The following ATP13A4 variants were observed in gnomAD, a reference collection of about 807,000 sequenced individuals.
ATP13A4 encodes the protein ATPase 13A4.
ATP13A4 carries 114 observed loss-of-function variants against 142.5 expected under a neutral mutation model. The observed-to-expected ratio is 0.80, with a 90% CI of 0.69 to 0.93. The LOEUF (loss-of-function observed/expected upper bound fraction) is 0.93, where lower values mean the gene tolerates loss of function less well. Among genes scored for constraint, ATP13A4 ranks in the 40% least tolerant of loss-of-function variants. ATP13A4 has a pLI of 0.00. For synonymous variants in ATP13A4, 488 were observed against 514.8 expected, an observed-to-expected ratio of 0.95 and a Z score of 0.70; for missense variants, 1,392 against 1,454.0, an observed-to-expected ratio of 0.96 and a Z score of 0.69.
intron 1 of ATP13A4, among the ~76,000 whole-genome samples, chr3:193,589,169 A>AAT (rs901453933): frequency 3.3e-4 from 50 of 151,788 alleles, no homozygotes; most frequent in Admixed American, 1.2e-3. Context: ...ACAAAAACCA[A>AAT]ATATATATAT....
chr3:193,442,484 A>G lies in ATP13A4; in HGVS notation c.2225T>C (p.Leu742Pro), dbSNP rs1463920765. 6.2e-7 allele frequency: 1 copy of G among 1,614,050 alleles called. No individual in the cohort carries two copies. Among genetic ancestry groups the G allele is most frequent in the Admixed American group, 1.7e-5 (1 of 60,024 alleles). Residue 742 changes from leucine to proline, a missense_variant, in exon 19 of 30, where the codon CTC becomes CCC. Coordinates refer to ENST00000342695, the MANE Select transcript of ATP13A4 (RefSeq NM_032279.4). ...GMVSESQKVI[L>P]IEANETTGSS... Reference sequence around the variant, plus strand: ...CCCGGTGGTTTCATTTGCCTCAATGAGAATGACTTTCTGGCTTTCAGAAAC... The same window carrying G: ...CCCGGTGGTTTCATTTGCCTCAATGGGAATGACTTTCTGGCTTTCAGAAAC...
chr3:193,534,283 A>G (rs1274768403), intron 1 of ATP13A4, among the ~76,000 whole-genome samples: 2 of 152,180 alleles, frequency 1.3e-5, no homozygotes, highest in Non-Finnish European at 2.9e-5. Flanking sequence ...TTTAAATAAG[A>G]TTCAGTTTCA....
chr3:193,455,209 C>T (rs1403639785), intron 16 of ATP13A4, among the ~76,000 whole-genome samples: 4 of 151,848 alleles, frequency 2.6e-5, no homozygotes, highest in Admixed American at 1.3e-4. Context: ...GGCGAGGTGG[C>T]GGGAGCCCGT....
chr3:193,405,396 G>C (rs370929586), intron 29 of ATP13A4, among the ~76,000 whole-genome samples: 2 of 152,168 alleles, frequency 1.3e-5, no homozygotes, highest in African/African-American at 4.8e-5. Flanking sequence ...TGAGACACAA[G>C]TGTAATCGAT....
At chr3:193,427,429 T>C (rs2108613255) in intron 25 of ATP13A4, among the ~76,000 whole-genome samples, 1 of 152,292 alleles carries the variant, frequency 6.6e-6, no homozygotes, top group Non-Finnish European at 1.5e-5. Flanking sequence ...AATGACTTTC[T>C]TCATAGAATT....
At chr3:193,574,419 G>A (rs572937808) in intron 2 of ATP13A4, among the ~76,000 whole-genome samples, 14 of 152,214 alleles carry the variant, frequency 9.2e-5, no homozygotes, top group Admixed American at 2.6e-4. Context: ...TTCTCTGTCC[G>A]TCAAAAACCT....
intron 1 of ATP13A4, among the ~76,000 whole-genome samples, chr3:193,585,522 A>G (rs907425293): frequency 2.0e-5 from 3 of 151,648 alleles, no homozygotes; most frequent in Non-Finnish European, 2.9e-5. Flanking sequence ...AGCTATTGTT[A>G]GTTTATTTTA....
rs185115419 is a variant in ATP13A4 at position 193,503,944 on chromosome 3, T to C, written c.235-1305A>G. ...TCTCTTGGACTATGGGTAGGAATTG[T>C]GTATGATGCATGTCTGCACTTCAGC... On this transcript the variant is annotated intron_variant, in intron 2 of 29. Transcript: ENST00000342695. 4.2e-4 allele frequency among the ~76,000 whole-genome samples: 64 copies of C among 151,882 alleles called. 1 individual carries two copies. In the East Asian group the frequency reaches 6.6e-3, roughly 16 times the overall value.
At chr3:193,433,197 C>A (rs926066473) in intron 25 of ATP13A4, among the ~76,000 whole-genome samples, 1 of 152,146 alleles carries the variant, frequency 6.6e-6, no homozygotes, top group African/African-American at 2.4e-5. Context: ...TCAGTTACAA[C>A]AAATATACCA....
In ATP13A4 at chr3:193,399,168, G is replaced by A. The variant is rs540135953; in HGVS notation, c.*3484C>T. Among the ~76,000 whole-genome samples the A allele has an allele frequency of 6.6e-6, 1 of 152,272 alleles. No individual in the cohort carries two copies. The highest frequency in any genetic ancestry group is 1.9e-4 in the East Asian group (1 of 5,180). On this transcript the variant is annotated 3_prime_UTR_variant, in exon 30 of 30. Transcript: ENST00000342695. ...TGTGGGTAAGAGCTAGATGCCTTGA[G>A]ATGAACATACAGGGCACCGTCTCAA... is the stretch of plus-strand genomic sequence containing the variant.
chr3:193,443,657 CATAG>C (rs1331102365), intron 18 of ATP13A4, among the ~76,000 whole-genome samples: 1 of 152,110 alleles, frequency 6.6e-6, no homozygotes, highest in African/African-American at 2.4e-5. Context: ...GTTGCCAATC[CATAG>C]ATAGCCTAGA....
intron 16 of ATP13A4, among the ~76,000 whole-genome samples, chr3:193,454,973 G>A (rs752676985): frequency 6.6e-6 from 1 of 151,984 alleles, no homozygotes; most frequent in Non-Finnish European, 1.5e-5. Context: ...TCCAACAAAG[G>A]TCTAATATCC....
intron 2 of ATP13A4, among the ~76,000 whole-genome samples, chr3:193,504,018 TGTGAGA>T (rs1560238795): frequency 1.4e-5 from 2 of 138,784 alleles, no homozygotes; most frequent in Non-Finnish European, 3.1e-5. Context: ...TGTGTGTGTG[TGTGAGA>T]GAGAGAGAGA....
intron 2 of ATP13A4, among the ~76,000 whole-genome samples, chr3:193,574,162 C>T (rs1362611445): frequency 2.0e-5 from 3 of 152,086 alleles, no homozygotes; most frequent in Non-Finnish European, 4.4e-5. Context: ...ATTTCAGAAA[C>T]AAGTTTTATA....
At chr3:193,592,429 A>G (rs890690525) in intron 1 of ATP13A4, among the ~76,000 whole-genome samples, 1 of 152,112 alleles carries the variant, frequency 6.6e-6, no homozygotes, top group African/African-American at 2.4e-5. Flanking sequence ...AGTTCCAGGG[A>G]AAAAGGAGAA....
At chr3:193,450,248 C>A (rs1317881343) in intron 17 of ATP13A4, among the ~76,000 whole-genome samples, 1 of 152,298 alleles carries the variant, frequency 6.6e-6, no homozygotes, top group Non-Finnish European at 1.5e-5. Context: ...TGTCTCAGCT[C>A]CTTGGGAACA....
At position 193,573,277 on chromosome 3, in the gene ATP13A4, A is replaced by T. The variant is rs866983710; in HGVS notation, n.291+8430T>A. On this transcript the variant is annotated intron_variant and non_coding_transcript_variant, in intron 2 of 3. Coordinates refer to the ATP13A4 transcript ENST00000489140. ...ACCACAGCCATATATATATATATACATATATATATATACACATATATATAT... is the reference window on the plus strand; with the variant it reads ...ACCACAGCCATATATATATATATACTTATATATATATACACATATATATAT... Among the ~76,000 whole-genome samples the T allele has an allele frequency of 6.8e-4, 49 of 71,966 alleles. No individual in the cohort carries two copies. The South Asian group carries it at 0.02, about 29-fold the overall frequency. The allele number at this position is 71,966 out of a possible 152,430, so 47.2% of individuals were successfully genotyped here. A position where few individuals can be genotyped will look rare whatever the true frequency, so the allele number is the denominator to read the frequency against.
rs1723389197 is a variant in ATP13A4, at chr3:193,549,050, CA to C, written c.60+5689del. Reference sequence around the variant, plus strand: ...TATCAATTTTGTATACTGAATGAGCCAAAGTTAAAAAGACTGATAATTTTCA... The same window carrying C: ...TATCAATTTTGTATACTGAATGAGCCAAGTTAAAAAGACTGATAATTTTCA... On this transcript the variant is annotated intron_variant, in intron 1 of 29. Transcript: ENST00000342695. Among the ~76,000 whole-genome samples the C allele has an allele frequency of 1.3e-5, 2 of 151,906 alleles. 1 individual carries two copies. The highest frequency in any genetic ancestry group is 4.8e-5 in the African/African-American group (2 of 41,332).
At chr3:193,475,067 T>A (rs932300846) in intron 8 of ATP13A4, among the ~76,000 whole-genome samples, 16 of 152,086 alleles carry the variant, frequency 1.1e-4, no homozygotes, top group African/African-American at 3.9e-4. Context: ...TGGCACAATC[T>A]TTATGGAGAG....
Sources: allele counts gnomAD v4.1 joint callset (sites outside exome capture counted in the v4.1 genomes callset), GRCh38; gene constraint gnomAD v4.1.1; transcripts MANE v1.5; gene names NCBI Gene and HGNC (gene_info 2026-07-23, HGNC 2026-07-21).